Variants in DLG2 observed in about 807,000 individuals in gnomAD.
DLG2 encodes the protein disks large homolog 2.
Under a neutral mutation model 132.5 loss-of-function variants are expected in DLG2, and 45 were observed. The observed-to-expected ratio is 0.34, with a 90% CI of 0.27 to 0.44. The LOEUF is 0.44. Ranked by LOEUF, DLG2 falls within the 20% of genes least tolerant of loss-of-function variation. The probability of loss-of-function intolerance (pLI) is 1.00; values close to 1 mark genes in which losing one functional copy is unlikely to be tolerated. For synonymous variants in DLG2, 424 were observed against 419.6 expected, an observed-to-expected ratio of 1.01 and a Z score of -0.13; for missense variants, 1,045 against 1,196.9, an observed-to-expected ratio of 0.87 and a Z score of 1.87.
chr11:83,927,347 A>C (rs76623096), intron 15 of DLG2, among the ~76,000 whole-genome samples: 6,023 of 152,246 alleles, frequency 0.04, 277 homozygotes, highest in African/African-American at 0.11. Context: ...CTTGAGTCTT[A>C]TGAAAAATAG....
At chr11:85,484,555 A>C (rs951589668) in intron 3 of DLG2, among the ~76,000 whole-genome samples, 17 of 151,744 alleles carry the variant, frequency 1.1e-4, no homozygotes, top group Non-Finnish European at 1.5e-4. Flanking sequence ...ATCAACAGAC[A>C]CTTCTCAAAA....
At chr11:83,577,092 G>T (rs1258557600) in intron 19 of DLG2, among the ~76,000 whole-genome samples, 2 of 152,036 alleles carry the variant, frequency 1.3e-5, no homozygotes, top group Admixed American at 6.6e-5. Context: ...AGCTGCCAGC[G>T]AATATAAAGC....
intron 11 of DLG2, among the ~76,000 whole-genome samples, chr11:84,039,043 GT>G (rs1231159833): frequency 6.6e-6 from 1 of 151,896 alleles, no homozygotes; most frequent in Non-Finnish European, 1.5e-5. Context: ...AGTTTTATTT[GT>G]TTTTTAAGAC....
At chr11:84,118,156 C>T (rs2093727283) in intron 9 of DLG2, among the ~76,000 whole-genome samples, 1 of 152,202 alleles carries the variant, frequency 6.6e-6, no homozygotes, top group Admixed American at 6.5e-5. Context: ...CACCACCCAG[C>T]TGGCTTTATC....
At chr11:84,155,699 C>T (rs1007470675) in intron 9 of DLG2, among the ~76,000 whole-genome samples, 1 of 151,940 alleles carries the variant, frequency 6.6e-6, no homozygotes, top group African/African-American at 2.4e-5. Context: ...AACCAATAAA[C>T]CACTGATTAA....
chr11:83,938,097 G>C (rs1197480167), intron 14 of DLG2, among the ~76,000 whole-genome samples: 1 of 152,120 alleles, frequency 6.6e-6, no homozygotes, highest in African/African-American at 2.4e-5. Flanking sequence ...GAAGGGTATG[G>C]AATATAAGAC....
At chr11:85,450,544 A>G (rs2092201409) in intron 3 of DLG2, among the ~76,000 whole-genome samples, 2 of 152,082 alleles carry the variant, frequency 1.3e-5, no homozygotes, top group Non-Finnish European at 2.9e-5. Context: ...TTGTGAGCTC[A>G]CTTAGGAATT....
At chr11:84,863,192 A>G (rs530912765) in intron 6 of DLG2, among the ~76,000 whole-genome samples, 4 of 152,064 alleles carry the variant, frequency 2.6e-5, no homozygotes, top group Admixed American at 1.3e-4. Flanking sequence ...AAAGTTCACA[A>G]TTCCAGTTTT....
chr11:84,354,421 T>C (rs1255387542), intron 7 of DLG2, among the ~76,000 whole-genome samples: 3 of 152,188 alleles, frequency 2.0e-5, no homozygotes, highest in African/African-American at 7.2e-5. Context: ...TCTCCTACTA[T>C]GTTCAGCTTT....
At chr11:84,194,531 T>C (rs2096478474) in intron 8 of DLG2, among the ~76,000 whole-genome samples, 2 of 152,214 alleles carry the variant, frequency 1.3e-5, no homozygotes, top group Non-Finnish European at 2.9e-5. Context: ...AGTCTGCTTT[T>C]ATTCCCTTAT....
chr11:84,560,742 A>G (rs913375785), intron 6 of DLG2, among the ~76,000 whole-genome samples: 2 of 152,064 alleles, frequency 1.3e-5, no homozygotes, highest in African/African-American at 4.8e-5. Context: ...TGGAGAGTTG[A>G]GGCAAGAAAA....
intron 16 of DLG2, among the ~76,000 whole-genome samples, chr11:83,872,074 G>A (rs1448161847): frequency 6.6e-6 from 1 of 152,100 alleles, no homozygotes; most frequent in Non-Finnish European, 1.5e-5. Context: ...GACCAGCCTG[G>A]CAAATATGGT....
intron 6 of DLG2, among the ~76,000 whole-genome samples, chr11:84,692,492 TACCAG>T (rs2058160800): frequency 2.0e-5 from 3 of 151,892 alleles, no homozygotes; most frequent in South Asian, 4.1e-4. Context: ...TCCCAGTTTA[TACCAG>T]GTATATTCCT....
chr11:83,768,784 T>G (rs2094254590), intron 18 of DLG2, among the ~76,000 whole-genome samples: 1 of 152,158 alleles, frequency 6.6e-6, no homozygotes, highest in Admixed American at 6.5e-5. Flanking sequence ...TAAAGGAGCA[T>G]GGCCTTTTTC....
chr11:85,605,852 G>C (rs990219842), intron 2 of DLG2, among the ~76,000 whole-genome samples: 13 of 152,120 alleles, frequency 8.5e-5, no homozygotes, highest in African/African-American at 2.9e-4. Context: ...GGTTGCGGGT[G>C]CCTGTAATCC....
At chr11:84,905,367 T>A (rs1366295947) in intron 6 of DLG2, among the ~76,000 whole-genome samples, 1 of 152,226 alleles carries the variant, frequency 6.6e-6, no homozygotes, top group Non-Finnish European at 1.5e-5. Flanking sequence ...TATCCAATGC[T>A]TTCTCTCTCT....
intron 16 of DLG2, among the ~76,000 whole-genome samples, chr11:83,854,853 A>T (rs1316850628): frequency 6.6e-6 from 1 of 151,804 alleles, no homozygotes; most frequent in Admixed American, 6.6e-5. Context: ...GTGAAAGACA[A>T]CGTCAAGAGA....
At chr11:84,846,334 T>G (rs1452033401) in intron 6 of DLG2, among the ~76,000 whole-genome samples, 2 of 152,146 alleles carry the variant, frequency 1.3e-5, no homozygotes, top group African/African-American at 4.8e-5. Context: ...CTACCCCATG[T>G]AGAGGTAAAT....
intron 20 of DLG2, among the ~76,000 whole-genome samples, 185 bp downstream of exon 20, chr11:83,541,497 C>A (rs2096065694): frequency 6.6e-6 from 1 of 152,134 alleles, no homozygotes; most frequent in African/African-American, 2.4e-5. Context: ...TGGTAAAACC[C>A]TAATATAGGA....
Sources: gnomAD v4.1 joint callset for allele counts (sites outside exome capture counted in the v4.1 genomes callset) on GRCh38, gnomAD v4.1.1 for gene constraint, MANE v1.5 for transcripts, NCBI Gene and HGNC (gene_info 2026-07-23, HGNC 2026-07-21) for gene names.